Variants in SPAG16 observed in about 807,000 individuals in gnomAD.
SPAG16 encodes sperm-associated antigen 16 protein.
In SPAG16, 86 loss-of-function variants were observed where a neutral mutation model predicts 80.4. The observed-to-expected ratio is 1.07, with a 90% confidence interval of 0.90 to 1.28. The LOEUF is 1.28. SPAG16 is among the 50% of genes most tolerant of loss of function. SPAG16 has a pLI of 0.00. For missense variants in SPAG16, 870 were observed against 765.3 expected (o/e 1.14, Z -1.61); for synonymous variants, 294 against 265.9 (o/e 1.11, Z -1.03).
At chr2:213,401,064 C>T (rs555112256) in intron 9 of SPAG16, among the ~76,000 whole-genome samples, 1 of 152,294 alleles carries the variant, frequency 6.6e-6, no homozygotes, top group South Asian at 2.1e-4. Context: ...CTGTCTTGGC[C>T]TCCCAAAGTG....
At chr2:214,117,187 T>A (rs1471889619) in intron 14 of SPAG16, among the ~76,000 whole-genome samples, 2 of 151,780 alleles carry the variant, frequency 1.3e-5, no homozygotes, top group Non-Finnish European at 2.9e-5. Context: ...CAAACAGAAA[T>A]CCTGGAGCTG....
At chr2:214,307,250 A>G (rs563034739) in intron 15 of SPAG16, among the ~76,000 whole-genome samples, 28 of 150,440 alleles carry the variant, frequency 1.9e-4, no homozygotes, top group African/African-American at 6.8e-4. Context: ...TTTGTTTCTG[A>G]TTGTGATTAT....
chr2:214,036,690 G>C (rs925353096), intron 13 of SPAG16, among the ~76,000 whole-genome samples: 1 of 152,026 alleles, frequency 6.6e-6, no homozygotes, highest in Non-Finnish European at 1.5e-5. Context: ...TCACTTACAT[G>C]TTTAATCTTA....
At chr2:213,856,557 C>G (rs1413815556) in intron 10 of SPAG16, among the ~76,000 whole-genome samples, 1 of 152,216 alleles carries the variant, frequency 6.6e-6, no homozygotes, top group Non-Finnish European at 1.5e-5. Context: ...AGACTTCTGC[C>G]TGGACATCCA....
At chr2:213,347,654 A>C (rs1170056445) in intron 6 of SPAG16, among the ~76,000 whole-genome samples, 3 of 152,204 alleles carry the variant, frequency 2.0e-5, no homozygotes, top group Non-Finnish European at 4.4e-5. Context: ...CCCAGTAGTC[A>C]TTCAGGAGCA....
intron 10 of SPAG16, among the ~76,000 whole-genome samples, chr2:213,505,322 GTT>G (rs1490644384): frequency 6.6e-6 from 1 of 151,778 alleles, no homozygotes; most frequent in Non-Finnish European, 1.5e-5. Context: ...ACCTTTTTTG[GTT>G]TTGTTTTTCT....
chr2:214,399,752 AAAC>A (rs1701603694), intron 15 of SPAG16, among the ~76,000 whole-genome samples: 1 of 152,100 alleles, frequency 6.6e-6, no homozygotes, highest in Admixed American at 6.5e-5. Context: ...GCCTATTTCT[AAAC>A]AACAAAGAAG....
chr2:213,631,831 C>T (rs1220534328), intron 10 of SPAG16, among the ~76,000 whole-genome samples: 1 of 151,178 alleles, frequency 6.6e-6, no homozygotes, highest in Non-Finnish European at 1.5e-5. Flanking sequence ...CTATTTTGTT[C>T]TATGGGCCTA....
chr2:213,393,811 C>T (rs182377833), intron 9 of SPAG16, among the ~76,000 whole-genome samples: 2 of 151,916 alleles, frequency 1.3e-5, no homozygotes, highest in East Asian at 1.9e-4. Flanking sequence ...TGAAATATGT[C>T]GCCTCACTAG....
intron 10 of SPAG16, among the ~76,000 whole-genome samples, chr2:213,831,844 C>G (rs564545355): frequency 1.3e-5 from 2 of 152,066 alleles, no homozygotes; most frequent in South Asian, 4.2e-4. Context: ...GATTCTTACC[C>G]CATTTTATAA....
intron 10 of SPAG16, among the ~76,000 whole-genome samples, chr2:213,636,375 G>C (rs1226230558): frequency 6.6e-6 from 1 of 151,962 alleles, no homozygotes; most frequent in African/African-American, 2.4e-5. Context: ...GTTTGAAGTT[G>C]GGTAATATTA....
At chr2:213,607,422 A>T (rs1477217357) in intron 10 of SPAG16, among the ~76,000 whole-genome samples, 3 of 152,202 alleles carry the variant, frequency 2.0e-5, no homozygotes, top group Non-Finnish European at 4.4e-5. Flanking sequence ...ATATTGGTAG[A>T]TGCTCTGTAC....
chr2:213,999,674 C>A (rs2046695616), intron 12 of SPAG16, among the ~76,000 whole-genome samples: 1 of 152,176 alleles, frequency 6.6e-6, no homozygotes, highest in Non-Finnish European at 1.5e-5. Flanking sequence ...CACAGACACT[C>A]GATGCCAGCC....
intron 10 of SPAG16, among the ~76,000 whole-genome samples, chr2:213,836,315 C>G (rs2074078217): frequency 6.6e-6 from 1 of 151,564 alleles, no homozygotes; most frequent in Non-Finnish European, 1.5e-5. Context: ...GTAAATTTTA[C>G]AAAGTTTTAA....
At chr2:214,090,345 C>A (rs919781651) in intron 13 of SPAG16, among the ~76,000 whole-genome samples, 2 of 151,880 alleles carry the variant, frequency 1.3e-5, no homozygotes, top group African/African-American at 2.4e-5. Flanking sequence ...TATTCAATTT[C>A]TTCGCAAACT....
At chr2:213,633,954 A>G (rs1478865592) in intron 10 of SPAG16, among the ~76,000 whole-genome samples, 1 of 151,990 alleles carries the variant, frequency 6.6e-6, no homozygotes, top group Admixed American at 6.6e-5. Flanking sequence ...AGATCCATTA[A>G]GATTTTGTTT....
chr2:213,506,145 C>T (rs1205219000), intron 10 of SPAG16, among the ~76,000 whole-genome samples: 1 of 151,916 alleles, frequency 6.6e-6, no homozygotes, highest in African/African-American at 2.4e-5. Flanking sequence ...TAGAATTAAA[C>T]TAAGTCTATT....
chr2:213,961,219 AT>A (rs1429211371), intron 12 of SPAG16, among the ~76,000 whole-genome samples: 1 of 151,966 alleles, frequency 6.6e-6, no homozygotes, highest in Non-Finnish European at 1.5e-5. Flanking sequence ...TCTCTCCAAA[AT>A]TTTCTCTCCA....
At chr2:213,533,162 T>C (rs1281570893) in intron 10 of SPAG16, among the ~76,000 whole-genome samples, 1 of 152,206 alleles carries the variant, frequency 6.6e-6, no homozygotes, top group African/African-American at 2.4e-5. Flanking sequence ...CATATATGCA[T>C]GAATGGATGT....
Sources: allele counts gnomAD v4.1 joint callset (sites outside exome capture counted in the v4.1 genomes callset), GRCh38; gene constraint gnomAD v4.1.1; transcripts MANE v1.5; gene names NCBI Gene and HGNC (gene_info 2026-07-23, HGNC 2026-07-21).